RBMS3: variants seen among roughly 807,000 people sequenced by gnomAD.
The protein encoded by RBMS3 is RNA binding motif single stranded interacting protein 3, also known as RNA-binding motif, single-stranded-interacting protein 3.
A neutral mutation model predicts 66.8 loss-of-function variants in RBMS3; 27 were observed. That is an observed-to-expected ratio of 0.40 (90% CI 0.30 to 0.56). The LOEUF (loss-of-function observed/expected upper bound fraction) is 0.56, where lower values mean the gene tolerates loss of function less well. RBMS3 is among the 20% of genes least tolerant of loss of function. The probability of loss-of-function intolerance (pLI) is 0.40; values close to 1 mark genes in which losing one functional copy is unlikely to be tolerated. For missense variants in RBMS3, 513 were observed against 549.5 expected, an observed-to-expected ratio of 0.93 and a Z score of 0.66; for synonymous variants, 188 against 183.0, an observed-to-expected ratio of 1.03 and a Z score of -0.22.
At chr3:29,462,179 A>T (rs2042395378) in intron 2 of RBMS3, among the ~76,000 whole-genome samples, 1 of 152,088 alleles carries the variant, frequency 6.6e-6, no homozygotes, top group African/African-American at 2.4e-5. Context: ...TTCTGTGCTA[A>T]TTACCAATGT....
intron 5 of RBMS3, among the ~76,000 whole-genome samples, chr3:29,761,033 C>T (rs1366136131): frequency 6.9e-6 from 1 of 145,662 alleles, no homozygotes; most frequent in Admixed American, 6.7e-5. Context: ...ACTCTCTTGT[C>T]ATAGCAGGAT....
intron 4 of RBMS3, among the ~76,000 whole-genome samples, chr3:29,617,490 G>A (rs1046645772): frequency 6.6e-6 from 1 of 152,154 alleles, no homozygotes; most frequent in Admixed American, 6.5e-5. Context: ...CATGAGGAAG[G>A]CTTCTGGGTT....
At chr3:29,722,495 A>G (rs1467377872) in intron 4 of RBMS3, among the ~76,000 whole-genome samples, 1 of 152,178 alleles carries the variant, frequency 6.6e-6, no homozygotes, top group African/African-American at 2.4e-5. Flanking sequence ...TGTCTAATCT[A>G]TAGAACTGAG....
At chr3:29,516,223 T>A (rs2044614469) in intron 3 of RBMS3, among the ~76,000 whole-genome samples, 2 of 152,170 alleles carry the variant, frequency 1.3e-5, no homozygotes, top group South Asian at 4.1e-4. Flanking sequence ...TAAGATCAGT[T>A]TTTACCAATA....
chr3:29,614,588 C>T lies in RBMS3; in HGVS notation c.399+27383C>T, dbSNP rs558684307. The T allele has an allele frequency of 2.0e-5, 3 of 152,128 alleles. No individual in the cohort carries two copies. In the South Asian group the frequency reaches 6.2e-4, roughly 32 times the overall value. 9.4% of individuals were successfully genotyped at this position (152,128 alleles called of 1,614,324 possible). A position where few individuals can be genotyped will look rare whatever the true frequency, so the allele number is the denominator to read the frequency against. On this transcript the variant is annotated intron_variant, in intron 4 of 14. Coordinates refer to ENST00000383767, the MANE Select transcript of RBMS3 (RefSeq NM_001003793.3). ...AAAATAAAAATTTATTAAGTTGATA[C>T]AATAAATCAATGGGAGAAGGATGGA...
chr3:29,415,177 G>A (rs4680831), intron 1 of RBMS3, among the ~76,000 whole-genome samples: 16,285 of 152,148 alleles, frequency 0.11, 1,173 homozygotes, highest in East Asian at 0.29. Context: ...CAGGGCCCTC[G>A]TAAGTGCCCA....
intron 3 of RBMS3, chr3:29,556,195 A>C (rs961675543): frequency 6.6e-6 from 1 of 152,152 alleles, no homozygotes; most frequent in Non-Finnish European, 1.5e-5. Flanking sequence ...TCTCAGAATT[A>C]TTTTCTAATT....
Position 29,582,039 on chromosome 3 carries a change from G to A in RBMS3, c.308-5075G>A, listed in dbSNP as rs545041998. Among the ~76,000 whole-genome samples the A allele has an allele frequency of 7.2e-5, 11 of 152,272 alleles. No homozygotes were observed. In the South Asian group the frequency reaches 1.0e-3, roughly 14 times the overall value. On this transcript the variant is annotated intron_variant, in intron 3 of 14. Transcript: ENST00000383767. ...AATGAAATTTCAAATGGATTGTCAC[G>A]CAGTGGTTCAACTGAATGGCAAAGG...
chr3:29,904,289 C>T (rs181353998), intron 10 of RBMS3, among the ~76,000 whole-genome samples: 137 of 151,948 alleles, frequency 9.0e-4, no homozygotes, highest in Non-Finnish European at 1.1e-3. Flanking sequence ...TTCTATTCTC[C>T]GGAAATACAC....
At chr3:29,544,884 T>C (rs1453230677) in intron 3 of RBMS3, among the ~76,000 whole-genome samples, 1 of 152,192 alleles carries the variant, frequency 6.6e-6, no homozygotes. Flanking sequence ...CTCCTAACTA[T>C]ATATGCTAAT....
intron 5 of RBMS3, among the ~76,000 whole-genome samples, chr3:29,756,345 A>G (rs1014454124): frequency 6.6e-6 from 1 of 152,130 alleles, no homozygotes; most frequent in Non-Finnish European, 1.5e-5. Context: ...TCATACTTCT[A>G]TGAAGAAATA....
chr3:29,957,526 C>G (rs537305772), intron 12 of RBMS3, among the ~76,000 whole-genome samples: 13 of 152,044 alleles, frequency 8.6e-5, no homozygotes, highest in South Asian at 6.2e-4. Context: ...AGACTCATGA[C>G]AAGAAAATGG....
intron 1 of RBMS3, among the ~76,000 whole-genome samples, chr3:29,421,345 A>G (rs532082159): frequency 2.1e-3 from 312 of 151,950 alleles, no homozygotes; most frequent in African/African-American, 7.3e-3. Context: ...TTCGGGAGAT[A>G]ATTAAACTGA....
At chr3:29,968,729 G>A (rs927504918) in intron 12 of RBMS3, among the ~76,000 whole-genome samples, 1 of 152,168 alleles carries the variant, frequency 6.6e-6, no homozygotes, top group Non-Finnish European at 1.5e-5. Flanking sequence ...GGAGCAGTCC[G>A]CTTCCTTCAG....
intron 6 of RBMS3, among the ~76,000 whole-genome samples, chr3:29,828,926 G>A (rs558017150): frequency 9.8e-4 from 150 of 152,314 alleles, no homozygotes; most frequent in Middle Eastern, 3.4e-3. Context: ...ATAGTAGAAA[G>A]AAGGGTGAAG....
At chr3:29,388,677 C>CT (rs2039128445) in intron 1 of RBMS3, among the ~76,000 whole-genome samples, 3 of 152,134 alleles carry the variant, frequency 2.0e-5, no homozygotes, top group African/African-American at 7.2e-5. Flanking sequence ...CGCCATTCTC[C>CT]GCCTCAGCCT....
intron 5 of RBMS3, among the ~76,000 whole-genome samples, chr3:29,756,501 G>A (rs938091625): frequency 1.1e-4 from 17 of 152,008 alleles, no homozygotes; most frequent in Admixed American, 8.5e-4. Flanking sequence ...TGTGTGCAGG[G>A]GAACTATCCT....
Position 29,403,308 on chromosome 3 carries a change from C to T in RBMS3, c.76-31435C>T, listed in dbSNP as rs190951611. Among the ~76,000 whole-genome samples, 151 of 152,072 alleles carry T rather than the reference C, an allele frequency of 9.9e-4. 1 individual carries two copies. The highest frequency in any genetic ancestry group is 1.8e-3 in the Non-Finnish European group (125 of 67,938). On this transcript the variant is annotated intron_variant, in intron 1 of 14. Transcript: ENST00000383767. ...AAAAACTGTATGTAATATAGATGGA[C>T]GTATTTCTTGGTTTCATTTAAGGTG...
At chr3:29,779,415 A>G (rs949781634) in intron 6 of RBMS3, among the ~76,000 whole-genome samples, 1 of 151,622 alleles carries the variant, frequency 6.6e-6, no homozygotes, top group East Asian at 1.9e-4. Context: ...CTCCATCTGT[A>G]TAGTATCCTT....
Sources: gnomAD v4.1 joint callset for allele counts (sites outside exome capture counted in the v4.1 genomes callset) on GRCh38, gnomAD v4.1.1 for gene constraint, MANE v1.5 for transcripts, NCBI Gene and HGNC (gene_info 2026-07-23, HGNC 2026-07-21) for gene names.